RRP36: variants seen among roughly 807,000 people sequenced by gnomAD.
RRP36 encodes ribosomal RNA processing 36.
Under a neutral mutation model 39.8 loss-of-function variants are expected in RRP36, and 44 were observed. That is an observed-to-expected ratio of 1.10 (90% CI 0.87 to 1.42). The LOEUF (loss-of-function observed/expected upper bound fraction) is 1.42, where lower values mean the gene tolerates loss of function less well. Ranked by LOEUF, RRP36 falls within the 40% of genes most tolerant of loss-of-function variation. The probability of loss-of-function intolerance (pLI) is 0.00; values close to 1 mark genes in which losing one functional copy is unlikely to be tolerated. For missense variants in RRP36, 316 were observed against 322.4 expected (o/e 0.98, Z 0.15); for synonymous variants, 124 against 123.1 (o/e 1.01, Z -0.05).
chr6:43,024,978 TC>T lies in RRP36; in HGVS notation c.131-5del. ...GCTGAGTTGTATGTCCCTCCCCACT[TC>T]CACAGGCACATCTAACATGTCATTT... On this transcript the variant is annotated splice_polypyrimidine_tract_variant and splice_region_variant and intron_variant, in intron 1 of 6. Transcript: ENST00000244496. 3 of 1,613,594 alleles carry T rather than the reference TC, an allele frequency of 1.9e-6. No individual in the cohort carries two copies. Among genetic ancestry groups the T allele is most frequent in the Non-Finnish European group, 2.5e-6 (3 of 1,180,030 alleles).
At chr6:43,023,273 T>A (rs1464011303) in intron 1 of RRP36, among the ~76,000 whole-genome samples, 4 of 152,084 alleles carry the variant, frequency 2.6e-5, no homozygotes, top group Non-Finnish European at 5.9e-5. Context: ...GTGGCCCACG[T>A]CTGTATTCCC....
rs1250178785 is a variant in RRP36, at chr6:43,025,046, G to A, written c.192G>A (p.Thr64=). 9.9e-6 allele frequency: 16 copies of A among 1,614,090 alleles called. No homozygotes were observed. The highest frequency in any genetic ancestry group is 2.7e-5 in the African/African-American group (2 of 74,936). Residue 64 remains threonine (T), a synonymous_variant, in exon 2 of 7, where the codon ACG becomes ACA. Transcript: ENST00000244496. ...LELQSQVGTK[T]YKQLVAGNSP... Reference sequence around the variant, plus strand: ...TGCAGAGCCAAGTGGGGACTAAGACGTACAAACAATTGGTAGCTGGAAATA... The same window carrying A: ...TGCAGAGCCAAGTGGGGACTAAGACATACAAACAATTGGTAGCTGGAAATA...
chr6:43,027,242 T>C lies in RRP36; in HGVS notation c.515T>C (p.Leu172Pro), dbSNP rs759248834. ...GAGCATGAGAAACTGCAGCAACTGC[T>C]TCAGCGAATGGTGAGTGGGTAATAA... ...GEEHEKLQQL[L>P]QRMEQQEMAQ... is the part of the protein sequence containing the mutation. The change falls in exon 5 of 7, where the codon CTT becomes CCT. Residue 172 changes from leucine (L) to proline (P), a missense_variant. By Grantham distance (98) the Leu-to-Pro change is moderately conservative (BLOSUM62 -3). Coordinates refer to ENST00000244496, the MANE Select transcript of RRP36 (RefSeq NM_033112.4). 1.9e-6 allele frequency: 3 copies of C among 1,614,220 alleles called. No individual in the cohort carries two copies. The South Asian group carries it at 3.3e-5, about 18-fold the overall frequency.
chr6:43,025,208 G>A (rs1211790080), intron 2 of RRP36, 55 bp from the exon 3 acceptor site: 24 of 1,612,276 alleles, frequency 1.5e-5, no homozygotes, highest in Middle Eastern at 1.6e-4. Context: ...TGACAGGTGG[G>A]AAGCCTTTGA....
At chr6:43,024,927 G>A in intron 1 of RRP36, 58 bp from the exon 2 acceptor site, 1 of 1,597,028 alleles carries the variant, frequency 6.3e-7, no homozygotes, top group South Asian at 1.1e-5. Context: ...ATGGGAAGAT[G>A]TCTTTTCTGC....
intron 6 of RRP36, among the ~76,000 whole-genome samples, chr6:43,027,846 C>A (rs1484449684): frequency 2.7e-5 from 4 of 149,982 alleles, no homozygotes; most frequent in Non-Finnish European, 5.9e-5. Flanking sequence ...CACACACACA[C>A]AATCAGTTTT....
At chr6:43,025,371 C>T in intron 3 of RRP36, 42 bp downstream of exon 3, 1 of 1,594,684 alleles carries the variant, frequency 6.3e-7, no homozygotes, top group Non-Finnish European at 8.6e-7. Flanking sequence ...GCCTGTAATC[C>T]CAGCACTTTG....
rs1762713080 is a variant in RRP36 at position 43,021,683 on chromosome 6, C to CCGGGGCCGGGGCCCGACGTCCCCG, written c.42_43insCGACGTCCCCGCGGGGCCGGGGCC (p.Ala14_Gly15insArgArgProArgGlyAlaGlyAla). On this transcript the variant is annotated inframe_insertion, in exon 1 of 7. Transcript: ENST00000244496. ...CCGGGAGCTAACTACCGCGCCGGGG[C>CCGGGGCCGGGGCCCGACGTCCCCG]CGGGGCCGGGGCCGGGGCCCGACGT... The CCGGGGCCGGGGCCCGACGTCCCCG allele has an allele frequency of 8.1e-7, 1 of 1,235,348 alleles. No homozygotes were observed. The highest frequency in any genetic ancestry group is 1.6e-5 in the African/African-American group (1 of 64,166). The allele number at this position is 1,235,348 out of a possible 1,614,324, so 76.5% of individuals were successfully genotyped here.
intron 1 of RRP36, among the ~76,000 whole-genome samples, chr6:43,022,503 T>C (rs1380662081): frequency 6.6e-6 from 1 of 151,884 alleles, no homozygotes; most frequent in East Asian, 1.9e-4. Flanking sequence ...GGCCTCGAAC[T>C]CCCGGGCCCA....
At chr6:43,022,556 GGCGCGT>G (rs1762741133) in intron 1 of RRP36, among the ~76,000 whole-genome samples, 1 of 151,300 alleles carries the variant, frequency 6.6e-6, no homozygotes. Flanking sequence ...TGGGACTGCA[GGCGCGT>G]CACCACGCCT....
chr6:43,024,037 G>C lies in RRP36; in HGVS notation c.131-948G>C, dbSNP rs543063597. Reference sequence around the variant, plus strand: ...ATGCCCAGCTAATTTTTGTATTTTTGTAGAGACGGTTTCACCATGTTGACC... The same window carrying C: ...ATGCCCAGCTAATTTTTGTATTTTTCTAGAGACGGTTTCACCATGTTGACC... On this transcript the variant is annotated intron_variant, in intron 1 of 6. Transcript: ENST00000244496. Among the ~76,000 whole-genome samples, 10 of 151,890 alleles carry C rather than the reference G, an allele frequency of 6.6e-5. No homozygotes were observed. In the South Asian group the frequency reaches 2.1e-3, roughly 32 times the overall value.
intron 6 of RRP36, 89 bp from the exon 7 acceptor site, chr6:43,029,003 G>C: frequency 1.3e-6 from 2 of 1,534,498 alleles, no homozygotes; most frequent in Non-Finnish European, 1.8e-6. Flanking sequence ...CATGTATCCA[G>C]CATAATGGCT....
intron 1 of RRP36, among the ~76,000 whole-genome samples, chr6:43,022,558 C>T (rs1309594684): frequency 6.6e-6 from 1 of 150,912 alleles, no homozygotes; most frequent in African/African-American, 2.5e-5. Flanking sequence ...GGACTGCAGG[C>T]GCGTCACCAC....
chr6:43,022,632 CTTTTTT>C (rs34268212), intron 1 of RRP36, among the ~76,000 whole-genome samples: 1 of 107,094 alleles, frequency 9.3e-6, no homozygotes. Flanking sequence ...AAGGTCTCAC[CTTTTTT>C]TTTTTTTTTT....
Position 43,029,508 on chromosome 6 carries a change from G to T in RRP36, c.*280G>T. 1 of 321,046 alleles carries T rather than the reference G, an allele frequency of 3.1e-6. No homozygotes were observed. Among genetic ancestry groups the T allele is most frequent in the Non-Finnish European group, 5.7e-6 (1 of 176,042 alleles). 19.9% of individuals were successfully genotyped at this position (321,046 alleles called of 1,614,324 possible). On this transcript the variant is annotated 3_prime_UTR_variant, in exon 7 of 7. Coordinates refer to ENST00000244496, the MANE Select transcript of RRP36 (RefSeq NM_033112.4). ...AACCAGGGATTCTGATACCGAAGAA[G>T]AGGGGCCAATGAAAACCATGGAGTC...
At chr6:43,027,809 T>C (rs1762844927) in intron 6 of RRP36, among the ~76,000 whole-genome samples, 1 of 101,210 alleles carries the variant, frequency 9.9e-6, no homozygotes, top group Non-Finnish European at 2.0e-5. Flanking sequence ...AAACACAGAG[T>C]CAGTTTTATC....
At chr6:43,023,672 CAG>C (rs950823440) in intron 1 of RRP36, among the ~76,000 whole-genome samples, 10 of 151,752 alleles carry the variant, frequency 6.6e-5, no homozygotes, top group African/African-American at 1.9e-4. Flanking sequence ...AGCCTCGTGA[CAG>C]AGTGAGTCCA....
At chr6:43,022,632 CTTTTTTT>C (rs34268212) in intron 1 of RRP36, among the ~76,000 whole-genome samples, 2 of 107,096 alleles carry the variant, frequency 1.9e-5, no homozygotes, top group East Asian at 2.6e-4. Context: ...AAGGTCTCAC[CTTTTTTT>C]TTTTTTTTTT....
intron 6 of RRP36, among the ~76,000 whole-genome samples, chr6:43,027,712 A>C (rs1013905402): frequency 0.023 from 1,016 of 44,800 alleles, no homozygotes; most frequent in Admixed American, 0.029. Context: ...CCACTTCCCA[A>C]CCCCCCCCCC....
Sources: allele counts gnomAD v4.1 joint callset (sites outside exome capture counted in the v4.1 genomes callset), GRCh38; gene constraint gnomAD v4.1.1; transcripts MANE v1.5; gene names NCBI Gene and HGNC (gene_info 2026-07-23, HGNC 2026-07-21).